The following HHAT variants were observed in gnomAD, a reference collection of about 807,000 sequenced individuals.
The protein encoded by HHAT is hedgehog acyltransferase.
HHAT carries 47 observed loss-of-function variants against 70.8 expected under a neutral mutation model. That is an observed-to-expected ratio of 0.66 (90% CI 0.53 to 0.85). The LOEUF is 0.85. Among genes scored for constraint, HHAT ranks in the 40% least tolerant of loss-of-function variants. HHAT has a pLI of 0.00. For missense variants in HHAT, 609 were observed against 604.8 expected (o/e 1.01, Z -0.07); for synonymous variants, 228 against 247.6 (o/e 0.92, Z 0.74).
intron 8 of HHAT, among the ~76,000 whole-genome samples, chr1:210,512,932 C>T (rs1047171987): frequency 2.0e-5 from 3 of 152,102 alleles, no homozygotes; most frequent in African/African-American, 7.2e-5. Flanking sequence ...GCTCCTTCCC[C>T]AGAATTTTGG....
At chr1:210,430,048 A>G (rs945643061) in intron 7 of HHAT, among the ~76,000 whole-genome samples, 3 of 151,902 alleles carry the variant, frequency 2.0e-5, no homozygotes, top group Non-Finnish European at 4.4e-5. Context: ...TTTAAACATC[A>G]TTTTATAGAA....
intron 1 of HHAT, among the ~76,000 whole-genome samples, chr1:210,336,266 A>G (rs1313934150): frequency 7.9e-6 from 1 of 126,046 alleles, no homozygotes; most frequent in Non-Finnish European, 1.8e-5. Context: ...GACTACAGGC[A>G]TGCACCACTG....
chr1:210,638,123 G>T (rs1371487502), intron 11 of HHAT, among the ~76,000 whole-genome samples: 2 of 152,192 alleles, frequency 1.3e-5, no homozygotes, highest in African/African-American at 4.8e-5. Flanking sequence ...AGTTTGGGCT[G>T]CAGTCTGGTA....
intron 11 of HHAT, among the ~76,000 whole-genome samples, chr1:210,666,336 T>C (rs11119565): frequency 0.35 from 52,444 of 151,920 alleles, 9,201 homozygotes; most frequent in East Asian, 0.37. Flanking sequence ...TCTGTGTGGT[T>C]AAGAAAGCTT....
chr1:210,437,896 A>G (rs770238890), intron 7 of HHAT, among the ~76,000 whole-genome samples: 19 of 152,076 alleles, frequency 1.2e-4, no homozygotes, highest in Middle Eastern at 3.4e-3. Context: ...GGCCAATGGC[A>G]TGTACCACTT....
At chr1:210,622,893 A>G (rs1669122831) in intron 10 of HHAT, among the ~76,000 whole-genome samples, 2 of 152,178 alleles carry the variant, frequency 1.3e-5, no homozygotes, top group African/African-American at 4.8e-5. Context: ...AAGTTCTTGC[A>G]CCTGTAGGTT....
At chr1:210,622,675 G>A (rs1468295875) in intron 10 of HHAT, among the ~76,000 whole-genome samples, 1 of 152,224 alleles carries the variant, frequency 6.6e-6, no homozygotes, top group Non-Finnish European at 1.5e-5. Flanking sequence ...TGCGGGTGAA[G>A]TGTGGGCCTG....
chr1:210,386,125 C>T (rs1288185419), intron 3 of HHAT, among the ~76,000 whole-genome samples: 2 of 151,536 alleles, frequency 1.3e-5, no homozygotes, highest in Non-Finnish European at 1.5e-5. Flanking sequence ...CCAAAAAAAT[C>T]ACACTTTTCT....
chr1:210,511,540 G>T (rs568752283), intron 8 of HHAT, among the ~76,000 whole-genome samples: 22 of 152,238 alleles, frequency 1.4e-4, no homozygotes, highest in Non-Finnish European at 3.1e-4. Flanking sequence ...ATGAGTCAAG[G>T]GTGTCGCCGG....
At chr1:210,353,485 G>C (rs1220410778) in intron 2 of HHAT, among the ~76,000 whole-genome samples, 1 of 135,910 alleles carries the variant, frequency 7.4e-6, no homozygotes, top group East Asian at 2.2e-4. Flanking sequence ...GGAAGTCTTT[G>C]ACTATTTCAG....
intron 8 of HHAT, among the ~76,000 whole-genome samples, chr1:210,487,680 CTG>C (rs1232537966): frequency 6.6e-6 from 1 of 152,164 alleles, no homozygotes; most frequent in African/African-American, 2.4e-5. Flanking sequence ...CTAAAAGAAA[CTG>C]AGAACCAGCC....
chr1:210,517,315 T>A (rs897230461), intron 9 of HHAT, among the ~76,000 whole-genome samples: 4 of 152,184 alleles, frequency 2.6e-5, no homozygotes, highest in African/African-American at 7.2e-5. Context: ...TGAATAGATA[T>A]GGGGTTTTGC....
At chr1:210,626,201 G>A (rs537453488) in intron 11 of HHAT, among the ~76,000 whole-genome samples, 1 of 152,170 alleles carries the variant, frequency 6.6e-6, no homozygotes, top group Non-Finnish European at 1.5e-5. Context: ...GGTATTGAAG[G>A]GGGCAGAGAG....
At chr1:210,385,487 G>T (rs1250111549) in intron 3 of HHAT, among the ~76,000 whole-genome samples, 2 of 152,120 alleles carry the variant, frequency 1.3e-5, no homozygotes, top group African/African-American at 4.8e-5. Context: ...TGAGTTCTCT[G>T]CTGTGCTGCC....
intron 8 of HHAT, among the ~76,000 whole-genome samples, chr1:210,507,649 G>A (rs4844530): frequency 0.19 from 28,245 of 151,822 alleles, 3,250 homozygotes; most frequent in Admixed American, 0.29. Context: ...GTGAGCTACC[G>A]CACCTGGCCA....
intron 11 of HHAT, among the ~76,000 whole-genome samples, chr1:210,666,517 C>G (rs756005225): frequency 2.6e-5 from 4 of 152,120 alleles, no homozygotes; most frequent in Non-Finnish European, 4.4e-5. Context: ...GAGGCTCACT[C>G]TGTTGCCCAG....
At chr1:210,604,795 C>G (rs1323494925) in intron 10 of HHAT, among the ~76,000 whole-genome samples, 1 of 152,076 alleles carries the variant, frequency 6.6e-6, no homozygotes, top group Non-Finnish European at 1.5e-5. Flanking sequence ...GTGGGAGAAT[C>G]CTTTGAGGCC....
chr1:210,370,158 A>G (rs1308882883), intron 3 of HHAT, among the ~76,000 whole-genome samples: 2 of 137,700 alleles, frequency 1.5e-5, no homozygotes, highest in Non-Finnish European at 3.1e-5. Flanking sequence ...TAGCTTCTTC[A>G]ATGACTTTTT....
At chr1:210,548,510 T>C (rs1293193524) in intron 9 of HHAT, among the ~76,000 whole-genome samples, 2 of 152,258 alleles carry the variant, frequency 1.3e-5, no homozygotes, top group South Asian at 2.1e-4. Flanking sequence ...ACCAGGAGAC[T>C]TAGGGGAGCT....
Sources: gnomAD v4.1 joint callset for allele counts (sites outside exome capture counted in the v4.1 genomes callset) on GRCh38, gnomAD v4.1.1 for gene constraint, MANE v1.5 for transcripts, NCBI Gene and HGNC (gene_info 2026-07-23, HGNC 2026-07-21) for gene names.